The following LARGE1 variants were observed in gnomAD, a reference collection of about 807,000 sequenced individuals.
LARGE1 encodes xylosyl- and glucuronyltransferase LARGE1.
LARGE1 carries 43 observed loss-of-function variants against 87.6 expected under a neutral mutation model. The ratio of observed to expected loss-of-function variants is 0.49; its 90% confidence interval spans 0.38 to 0.63. The LOEUF (loss-of-function observed/expected upper bound fraction) is 0.63. Ranked by LOEUF, LARGE1 falls within the 30% of genes least tolerant of loss-of-function variation. The probability of loss-of-function intolerance (pLI) is 0.00; values close to 1 mark genes in which losing one functional copy is unlikely to be tolerated. For missense variants in LARGE1, 802 were observed against 1,000.2 expected (o/e 0.80, Z 2.67); for synonymous variants, 434 against 394.6 (o/e 1.10, Z -1.18).
At chr22:33,199,157 A>T (rs750930617) in intron 11 of LARGE1, among the ~76,000 whole-genome samples, 38 of 151,700 alleles carry the variant, frequency 2.5e-4, no homozygotes, top group Admixed American at 7.2e-4. Context: ...TTCTTTTTAA[A>T]AATATCTCTT....
At chr22:33,691,852 T>A (rs775762653) in intron 2 of LARGE1, among the ~76,000 whole-genome samples, 8 of 152,186 alleles carry the variant, frequency 5.3e-5, no homozygotes, top group African/African-American at 1.9e-4. Context: ...GGCAGCTCCC[T>A]GGACTCTAGG....
intron 1 of LARGE1, among the ~76,000 whole-genome samples, chr22:33,915,042 C>CACAGAGAGAGAG (rs144076486): frequency 1.2e-4 from 17 of 137,110 alleles, no homozygotes; most frequent in African/African-American, 4.7e-4. Context: ...CACACACACA[C>CACAGAGAGAGAG]AGAGAGAGAG....
At chr22:33,461,263 G>A (rs1477093407) in intron 6 of LARGE1, among the ~76,000 whole-genome samples, 1 of 152,140 alleles carries the variant, frequency 6.6e-6, no homozygotes, top group African/African-American at 2.4e-5. Flanking sequence ...GCTCCAGCCT[G>A]GGCCACAGAG....
intron 1 of LARGE1, among the ~76,000 whole-genome samples, chr22:33,816,678 A>G (rs3072315): frequency 0.084 from 4,160 of 49,396 alleles, 133 homozygotes; most frequent in African/African-American, 0.16. Context: ...ATGGATGGAT[A>G]GATAGATAGA....
intron 1 of LARGE1, among the ~76,000 whole-genome samples, chr22:33,765,679 T>A (rs1230214563): frequency 1.8e-5 from 2 of 112,296 alleles, no homozygotes; most frequent in Non-Finnish European, 3.3e-5. Flanking sequence ...CACTCCAGCC[T>A]GGGCAACAAG....
intron 6 of LARGE1, among the ~76,000 whole-genome samples, chr22:33,469,983 G>A (rs564849750): frequency 1.6e-4 from 24 of 146,766 alleles, no homozygotes; most frequent in African/African-American, 5.0e-4. Context: ...TCCACCTCCC[G>A]GGTTCACGCC....
intron 11 of LARGE1, among the ~76,000 whole-genome samples, chr22:33,188,326 C>T (rs1045513295): frequency 2.0e-5 from 3 of 152,070 alleles, no homozygotes; most frequent in African/African-American, 7.2e-5. Context: ...GTTGCTGAGG[C>T]CCAATCTGCT....
intron 1 of LARGE1, among the ~76,000 whole-genome samples, chr22:33,777,231 T>C (rs143322703): frequency 6.6e-6 from 1 of 152,252 alleles, no homozygotes; most frequent in Non-Finnish European, 1.5e-5. Flanking sequence ...AACACTCAGA[T>C]AATGGGACTG....
chr22:33,381,103 A>G (rs1222384474), intron 9 of LARGE1, among the ~76,000 whole-genome samples: 1 of 152,186 alleles, frequency 6.6e-6, no homozygotes, highest in African/African-American at 2.4e-5. Context: ...AGAAAACACC[A>G]TACTGGCTTG....
At chr22:33,401,644 G>A (rs2065928892) in intron 7 of LARGE1, among the ~76,000 whole-genome samples, 1 of 152,078 alleles carries the variant, frequency 6.6e-6, no homozygotes, top group African/African-American at 2.4e-5. Context: ...TAGGACTGGT[G>A]CCCTCATGTG....
intron 3 of LARGE1, among the ~76,000 whole-genome samples, chr22:33,645,775 G>A: frequency 6.6e-6 from 1 of 152,272 alleles, no homozygotes; most frequent in East Asian, 1.9e-4. Context: ...ATCAAAAAGT[G>A]GCGAAGGTAT....
At chr22:33,454,652 G>C (rs2068062351) in intron 6 of LARGE1, among the ~76,000 whole-genome samples, 1 of 151,496 alleles carries the variant, frequency 6.6e-6, no homozygotes, top group Admixed American at 6.6e-5. Context: ...GAAGAAAAGA[G>C]GTTTAATTGG....
the LARGE1 span, among the ~76,000 whole-genome samples, chr22:33,140,646 T>C: frequency 0.42 from 64,080 of 151,926 alleles, 13,971 homozygotes; most frequent in South Asian, 0.68. Flanking sequence ...TGCTTCCTGC[T>C]CTCGAACATC....
At chr22:33,763,237 C>T (rs2084792743) in intron 1 of LARGE1, among the ~76,000 whole-genome samples, 1 of 152,182 alleles carries the variant, frequency 6.6e-6, no homozygotes, top group African/African-American at 2.4e-5. Flanking sequence ...TCTCAAGCTT[C>T]AGGAGTTTAT....
At chr22:33,577,592 AG>A in intron 5 of LARGE1, among the ~76,000 whole-genome samples, 1 of 152,360 alleles carries the variant, frequency 6.6e-6, no homozygotes, top group African/African-American at 2.4e-5. Flanking sequence ...TAAAAAGGGC[AG>A]CCACATAGGC....
At chr22:33,252,696 T>G (rs1927066755) in intron 11 of LARGE1, among the ~76,000 whole-genome samples, 1 of 152,234 alleles carries the variant, frequency 6.6e-6, no homozygotes, top group Non-Finnish European at 1.5e-5. Context: ...GTGGTGTTAT[T>G]TACAACTTTG....
chr22:33,886,047 T>A (rs2064835131), intron 1 of LARGE1, among the ~76,000 whole-genome samples: 1 of 151,598 alleles, frequency 6.6e-6, no homozygotes, highest in African/African-American at 2.4e-5. Flanking sequence ...AATAAATAAA[T>A]AAAATAAAAG....
chr22:33,211,689 C>G (rs1053367733), intron 11 of LARGE1, among the ~76,000 whole-genome samples: 4 of 152,162 alleles, frequency 2.6e-5, no homozygotes, highest in Admixed American at 6.5e-5. Flanking sequence ...ACGAGAATTG[C>G]TTGAACCCCA....
intron 2 of LARGE1, among the ~76,000 whole-genome samples, chr22:33,690,491 T>C (rs1232339856): frequency 6.6e-6 from 1 of 152,106 alleles, no homozygotes; most frequent in African/African-American, 2.4e-5. Flanking sequence ...TGACCTGAGT[T>C]ACTCTCCCAA....
Sources: gnomAD v4.1 joint callset for allele counts (sites outside exome capture counted in the v4.1 genomes callset) on GRCh38, gnomAD v4.1.1 for gene constraint, MANE v1.5 for transcripts, NCBI Gene and HGNC (gene_info 2026-07-23, HGNC 2026-07-21) for gene names.